Variants in BIN2 observed in about 807,000 individuals in gnomAD.
The protein encoded by BIN2 is breast cancer associated protein BRAP1.
A neutral mutation model predicts 67.9 loss-of-function variants in BIN2; 43 were observed. That is an observed-to-expected ratio of 0.63 (90% CI 0.50 to 0.82). BIN2 has a LOEUF of 0.82. Ranked by LOEUF, BIN2 falls within the 40% of genes least tolerant of loss-of-function variation. BIN2 has a pLI of 0.00. For synonymous variants in BIN2, 244 were observed against 246.8 expected (o/e 0.99, Z 0.11); for missense variants, 581 against 671.6 (o/e 0.87, Z 1.49).
chr12:51,284,006 A>AAAG (rs1203117181), intron 12 of BIN2, among the ~76,000 whole-genome samples: 10 of 139,972 alleles, frequency 7.1e-5, no homozygotes, highest in Non-Finnish European at 4.8e-5. Context: ...AAAAAAAAAA[A>AAAG]AGAAAAGAAA....
intron 1 of BIN2, 26 bp from the exon 2 acceptor site, chr12:51,313,929 G>A (rs754354961): frequency 5.2e-5 from 83 of 1,591,582 alleles, no homozygotes; most frequent in Middle Eastern, 1.7e-4. Context: ...AGAAAGGCCC[G>A]TAAGGTTATA....
At chr12:51,322,779 A>C (rs1003257859) in intron 1 of BIN2, 1 of 132,642 alleles carries the variant, frequency 7.5e-6, no homozygotes, top group Non-Finnish European at 1.7e-5. Flanking sequence ...GAAGTAACGA[A>C]GTCTGGCTAC....
rs143415854 is a variant in BIN2, at chr12:51,315,328, G to T, written c.82-1425C>A. Among the ~76,000 whole-genome samples the T allele has an allele frequency of 8.3e-3, 1,261 of 152,134 alleles. 3 individuals carry two copies. The highest frequency in any genetic ancestry group is 0.012 in the Non-Finnish European group (844 of 68,000). On this transcript the variant is annotated intron_variant, in intron 1 of 12. Coordinates refer to ENST00000615107, the MANE Select transcript of BIN2 (RefSeq NM_016293.4). ...TCGGACTACAGGCGCCCGCCACTAT[G>T]CCTGACTAAGTTTTTTTGTATTTTT... is the stretch of plus-strand genomic sequence containing the variant.
In BIN2 at chr12:51,281,511, A is replaced by C. The variant is rs764416524; in HGVS notation, c.1686T>G (p.Asn562Lys). ...EPQEEVSTSE[N>K]PQL ...TGGTAGTTTCTCTTCAGAGTTGTGG[A>C]TTTTCACTTGTGGATACCTGGAAAG... Residue 562 changes from asparagine (N) to lysine (K), a missense_variant, in exon 13 of 13, where the codon AAT becomes AAG. By Grantham distance (94) the Asn-to-Lys change is moderately conservative. Coordinates refer to ENST00000615107, the MANE Select transcript of BIN2 (RefSeq NM_016293.4). 7.4e-6 allele frequency: 12 copies of C among 1,614,018 alleles called. No homozygotes were observed. In the South Asian group the frequency reaches 9.9e-5, roughly 13 times the overall value.
chr12:51,291,884 G>C lies in BIN2; in HGVS notation c.1222C>G (p.Gln408Glu). 1.2e-6 allele frequency: 2 copies of C among 1,614,176 alleles called. No individual in the cohort carries two copies. The highest frequency in any genetic ancestry group is 2.2e-5 in the South Asian group (2 of 91,088). Residue 408 changes from glutamine (Q) to glutamate (E), a missense_variant, in exon 10 of 13, where the codon CAG becomes GAG. Transcript: ENST00000615107. ...SEQPKKRASI[Q>E]RTSAPPSRPP... The stretch of plus-strand genomic sequence containing the variant: ...CTACTAGGGGGTGCTGAGGTCCTCT[G>C]GATAGAGGCTCTCTTCTTTGGTTGT...
At chr12:51,297,396 T>C in intron 7 of BIN2, 1 of 309,510 alleles carries the variant, frequency 3.2e-6, no homozygotes, top group Non-Finnish European at 5.9e-6. Flanking sequence ...GTAAAACCCG[T>C]CTCTACTAAA....
intron 9 of BIN2, among the ~76,000 whole-genome samples, chr12:51,295,373 G>A (rs1306666862): frequency 1.6e-5 from 2 of 124,894 alleles, no homozygotes; most frequent in African/African-American, 3.1e-5. Flanking sequence ...ACGGTGAAAC[G>A]CCATCTCTAC....
chr12:51,294,574 A>C (rs933286969), intron 9 of BIN2, among the ~76,000 whole-genome samples: 1 of 151,814 alleles, frequency 6.6e-6, no homozygotes, highest in African/African-American at 2.4e-5. Context: ...CTCAAAAAAA[A>C]AAAAAACAAA....
In BIN2 at chr12:51,291,929, T is replaced by C. The variant is rs777927634; in HGVS notation, c.1177A>G (p.Thr393Ala). ...SATEVVLRTR[T>A]ASEGSEQPKK... The stretch of plus-strand genomic sequence containing the variant: ...GGTTGTTCAGATCCTTCACTTGCGG[T>C]GCGGGTTCGGAGGACTACTTCTGTG... The change falls in exon 10 of 13, where the codon ACC becomes GCC. Residue 393 changes from threonine (T) to alanine (A), a missense_variant. By Grantham distance (58) the Thr-to-Ala change is moderately conservative. Transcript: ENST00000615107. 183 of 1,613,994 alleles carry C rather than the reference T, an allele frequency of 1.1e-4. 1 individual carries two copies. In the South Asian group the frequency reaches 1.9e-3, roughly 17 times the overall value.
intron 1 of BIN2, among the ~76,000 whole-genome samples, chr12:51,318,425 C>T (rs1046959725): frequency 3.3e-5 from 5 of 152,112 alleles, no homozygotes; most frequent in Admixed American, 6.6e-5. Context: ...CCACGCCTGG[C>T]GAATTTTTGT....
intron 10 of BIN2, among the ~76,000 whole-genome samples, chr12:51,289,398 G>A (rs1276851850): frequency 6.6e-6 from 1 of 151,764 alleles, no homozygotes; most frequent in Non-Finnish European, 1.5e-5. Flanking sequence ...GAGGACCACT[G>A]GAGCCCAGGA....
rs895685933 is a variant in BIN2 at position 51,292,025 on chromosome 12, C to T, written c.1081G>A (p.Val361Ile). ...TTERAKSQEE[V>I]LPSSTTPSPG... The stretch of plus-strand genomic sequence containing the variant: ...GATGGAGTTGTGGAGCTGGGGAGAA[C>T]TTCCTCCTGGGACTTGGCCCTTTCA... The change falls in exon 10 of 13, where the codon GTT becomes ATT. Residue 361 changes from valine (V) to isoleucine (I), a missense_variant. Transcript: ENST00000615107. 2 of 1,614,080 alleles carry T rather than the reference C, an allele frequency of 1.2e-6. No homozygotes were observed. The highest frequency in any genetic ancestry group is 3.3e-5 in the Admixed American group (2 of 60,002).
intron 1 of BIN2, among the ~76,000 whole-genome samples, chr12:51,318,861 T>C (rs919940600): frequency 1.3e-5 from 2 of 152,172 alleles, no homozygotes; most frequent in Admixed American, 6.6e-5. Flanking sequence ...TGTCATTATG[T>C]TTAGTTTTGC....
intron 9 of BIN2, among the ~76,000 whole-genome samples, chr12:51,294,849 A>G (rs1945492730): frequency 6.6e-6 from 1 of 152,150 alleles, no homozygotes; most frequent in African/African-American, 2.4e-5. Context: ...TATTTACAAC[A>G]GCCAAGTTCT....
intron 2 of BIN2, among the ~76,000 whole-genome samples, chr12:51,312,153 T>C (rs9805131): frequency 6.6e-6 from 1 of 152,146 alleles, no homozygotes; most frequent in African/African-American, 2.4e-5. Flanking sequence ...TCTCTGATAA[T>C]AGAGCCAGGG....
chr12:51,320,437 C>A (rs1946241320), intron 1 of BIN2, among the ~76,000 whole-genome samples: 1 of 152,176 alleles, frequency 6.6e-6, no homozygotes, highest in African/African-American at 2.4e-5. Context: ...GTAGTTCTCA[C>A]TCCAGTCTCC....
intron 9 of BIN2, among the ~76,000 whole-genome samples, chr12:51,295,578 ATATATATAT>A (rs1336865977): frequency 7.2e-4 from 43 of 59,504 alleles, no homozygotes; most frequent in African/African-American, 1.0e-3. Flanking sequence ...AAAAAAAAAA[ATATATATAT>A]ATATATATAT....
chr12:51,294,189 C>CA (rs1945469678), intron 9 of BIN2, among the ~76,000 whole-genome samples: 1 of 152,094 alleles, frequency 6.6e-6, no homozygotes, highest in South Asian at 2.1e-4. Flanking sequence ...GTAGCAATAA[C>CA]AAAAAATCTT....
chr12:51,303,939 ACTAG>A, intron 2 of BIN2, among the ~76,000 whole-genome samples: 1 of 152,164 alleles, frequency 6.6e-6, no homozygotes, highest in Non-Finnish European at 1.5e-5. Flanking sequence ...TTGATTTTAA[ACTAG>A]CTCTGTTAAA....
Sources: allele counts gnomAD v4.1 joint callset (sites outside exome capture counted in the v4.1 genomes callset), GRCh38; gene constraint gnomAD v4.1.1; transcripts MANE v1.5; gene names NCBI Gene and HGNC (gene_info 2026-07-23, HGNC 2026-07-21).